NPLOC4: variants seen among roughly 807,000 people sequenced by gnomAD.
The protein encoded by NPLOC4 is nuclear protein localization protein 4 homolog.
In NPLOC4, 18 loss-of-function variants were observed where a neutral mutation model predicts 80.6. The observed-to-expected ratio is 0.22, with a 90% CI of 0.15 to 0.33. NPLOC4 has a LOEUF of 0.33. Ranked by LOEUF, NPLOC4 falls within the 10% of genes least tolerant of loss-of-function variation. The pLI, the probability that NPLOC4 is intolerant of heterozygous loss-of-function variation, is 1.00. For missense variants in NPLOC4, 540 were observed against 786.1 expected, an observed-to-expected ratio of 0.69 and a Z score of 3.74; for synonymous variants, 313 against 301.5, an observed-to-expected ratio of 1.04 and a Z score of -0.39.
chr17:81,583,808 C>G (rs539024197), intron 12 of NPLOC4, among the ~76,000 whole-genome samples: 2 of 152,288 alleles, frequency 1.3e-5, no homozygotes, highest in African/African-American at 4.8e-5. Flanking sequence ...GCTTCTACTC[C>G]CACCCCATGT....
intron 2 of NPLOC4, among the ~76,000 whole-genome samples, chr17:81,625,661 T>C (rs976263938): frequency 6.6e-6 from 1 of 151,726 alleles, no homozygotes; most frequent in Non-Finnish European, 1.5e-5. Flanking sequence ...AGCCCAGAAG[T>C]TTAAGGCTAC....
At chr17:81,612,198 G>C (rs775420152) in intron 4 of NPLOC4, among the ~76,000 whole-genome samples, 1 of 152,104 alleles carries the variant, frequency 6.6e-6, no homozygotes, top group African/African-American at 2.4e-5. Context: ...GCTGGTTTAC[G>C]AGGGCGCCGG....
chr17:81,572,259 A>G lies in NPLOC4; in HGVS notation c.1282-171T>C, dbSNP rs1481433234. 6.6e-6 allele frequency among the ~76,000 whole-genome samples: 1 copy of G among 151,422 alleles called. No individual in the cohort carries two copies. Among genetic ancestry groups the G allele is most frequent in the Non-Finnish European group, 1.5e-5 (1 of 67,874 alleles). On this transcript the variant is annotated intron_variant, in intron 12 of 16. Transcript: ENST00000331134. The surrounding 1 kb of genome is among the most constrained non-coding windows in gnomAD (Gnocchi z 4.5). ...GCTGGAATGCAGTGGCGTGATCTCC[A>G]CTCACTGCAAGCTCCGCCTCCCAGG... is the stretch of plus-strand genomic sequence containing the variant.
At chr17:81,624,987 C>T (rs2035761534) in intron 2 of NPLOC4, among the ~76,000 whole-genome samples, 2 of 152,150 alleles carry the variant, frequency 1.3e-5, no homozygotes, top group Non-Finnish European at 2.9e-5. Context: ...CCACAAAATC[C>T]CTGTTGCTCA....
In NPLOC4 at chr17:81,572,333, C is replaced by T. The variant is rs1050438031; in HGVS notation, c.1282-245G>A. ...CCTCCCAAGTAGCTGGGACTACAGG[C>T]GCCCGCCACCACGCCCGGCTAATTT... On this transcript the variant is annotated intron_variant, in intron 12 of 16. Transcript: ENST00000331134. The surrounding 1 kb of genome is among the most constrained non-coding windows in gnomAD (Gnocchi z 4.5). 6.6e-6 allele frequency among the ~76,000 whole-genome samples: 1 copy of T among 151,876 alleles called. No homozygotes were observed. The highest frequency in any genetic ancestry group is 1.9e-4 in the East Asian group (1 of 5,170).
At chr17:81,616,539 G>C (rs1048282748) in intron 3 of NPLOC4, among the ~76,000 whole-genome samples, 2 of 151,608 alleles carry the variant, frequency 1.3e-5, no homozygotes, top group African/African-American at 4.8e-5. Flanking sequence ...GACGATCCTG[G>C]CTAACACGGT....
intron 1 of NPLOC4, among the ~76,000 whole-genome samples, chr17:81,631,791 G>T (rs2035938505): frequency 6.6e-6 from 1 of 151,904 alleles, no homozygotes; most frequent in Non-Finnish European, 1.5e-5. Flanking sequence ...ACCATCTCTT[G>T]TATTTAGCTC....
chr17:81,613,873 T>A (rs1412406070), intron 3 of NPLOC4, among the ~76,000 whole-genome samples: 1 of 151,630 alleles, frequency 6.6e-6, no homozygotes, highest in Non-Finnish European at 1.5e-5. Context: ...TCTGGGAGGC[T>A]CTCTCCTCCC....
At chr17:81,569,187 T>C (rs2034091725) in intron 13 of NPLOC4, 76 bp from the exon 14 acceptor site, 1 of 929,490 alleles carries the variant, frequency 1.1e-6, no homozygotes, top group Admixed American at 1.9e-5. Flanking sequence ...GCCCAGAGCA[T>C]CTCCCAGAGC....
At position 81,599,709 on chromosome 17, in the gene NPLOC4, T is replaced by C. The variant is rs574420258; in HGVS notation, c.921+632A>G. Among the ~76,000 whole-genome samples the C allele has an allele frequency of 2.0e-5, 3 of 152,342 alleles. No homozygotes were observed. In the East Asian group the frequency reaches 5.8e-4, roughly 29 times the overall value. ...AATTCATGGCTCTACATTAATTTAT[T>C]AAAATTGTTCCTGGGAACTGTATCA... On this transcript the variant is annotated intron_variant, in intron 9 of 16. Transcript: ENST00000331134.
chr17:81,565,557 G>A lies in NPLOC4; in HGVS notation c.1617C>T (p.Leu539=), dbSNP rs139776026. Residue 539 remains leucine, a synonymous_variant, in exon 16 of 17, where the codon CTC becomes CTT. Coordinates refer to ENST00000331134, the MANE Select transcript of NPLOC4 (RefSeq NM_017921.4). ...LEAVRTRNEE[L]AQTWKRSEQW... ...GCTCAGACCTCTTCCATGTCTGGGC[G>A]AGCTCCTCATTTCTGGTCCGCACGG... 230 of 1,556,172 alleles carry A rather than the reference G, an allele frequency of 1.5e-4. 1 individual carries two copies. In the East Asian group the frequency reaches 3.1e-3, roughly 21 times the overall value.
chr17:81,629,142 T>G (rs987696949), intron 2 of NPLOC4, among the ~76,000 whole-genome samples: 1 of 150,934 alleles, frequency 6.6e-6, no homozygotes, highest in Non-Finnish European at 1.5e-5. Context: ...CCTCCCAAAG[T>G]GCTGCGATTA....
Position 81,610,374 on chromosome 17 carries a change from A to G in NPLOC4, c.387-116T>C, listed in dbSNP as rs527593332. Reference sequence around the variant, plus strand: ...AGTGTTTCCCTGCCCACGTGGAGTTATATTCCAGATGGCACATGGATAAAC... The same window carrying G: ...AGTGTTTCCCTGCCCACGTGGAGTTGTATTCCAGATGGCACATGGATAAAC... On this transcript the variant is annotated intron_variant, in intron 4 of 16. Transcript: ENST00000331134. 6 of 817,730 alleles carry G rather than the reference A, an allele frequency of 7.3e-6. No individual in the cohort carries two copies. The African/African-American group carries it at 1.0e-4, about 14-fold the overall frequency. 50.7% of individuals were successfully genotyped at this position (817,730 alleles called of 1,614,324 possible).
chr17:81,570,655 G>A (rs2034138039), intron 13 of NPLOC4, among the ~76,000 whole-genome samples: 1 of 152,178 alleles, frequency 6.6e-6, no homozygotes, highest in Non-Finnish European at 1.5e-5. Context: ...GCCAGATGAT[G>A]CCCCCAGAAC....
At chr17:81,615,167 T>C (rs1019086965) in intron 3 of NPLOC4, among the ~76,000 whole-genome samples, 5 of 149,938 alleles carry the variant, frequency 3.3e-5, no homozygotes, top group South Asian at 2.1e-4. Flanking sequence ...TGGCGTGATC[T>C]TGGCTCACTG....
At chr17:81,614,257 C>CA (rs1482736920) in intron 3 of NPLOC4, 1 of 111,866 alleles carries the variant, frequency 8.9e-6, no homozygotes, top group Non-Finnish European at 1.6e-5. Context: ...AGCCTGGTGA[C>CA]AGAGGGAGGC....
intron 16 of NPLOC4, chr17:81,563,876 A>G (rs2144019768): frequency 2.2e-6 from 1 of 453,304 alleles, no homozygotes. Flanking sequence ...CAAATACTAC[A>G]TGTTTTCATT....
At chr17:81,564,113 C>T in intron 16 of NPLOC4, 1 of 332,330 alleles carries the variant, frequency 3.0e-6, no homozygotes, top group South Asian at 2.2e-5. Flanking sequence ...CACACACACA[C>T]ACACAAAGAG....
intron 4 of NPLOC4, 24 bp downstream of exon 4, chr17:81,613,294 C>A: frequency 6.2e-7 from 1 of 1,600,304 alleles, no homozygotes; most frequent in Non-Finnish European, 8.5e-7. Context: ...CAAGTAGGAC[C>A]CTGGAATCTC....
Sources: allele counts gnomAD v4.1 joint callset (sites outside exome capture counted in the v4.1 genomes callset), GRCh38; gene constraint gnomAD v4.1.1; non-coding constraint Gnocchi (gnomAD v3.1); transcripts MANE v1.5; gene names NCBI Gene and HGNC (gene_info 2026-07-23, HGNC 2026-07-21).